ZNF14: variants seen among roughly 807,000 people sequenced by gnomAD.
The protein encoded by ZNF14 is zinc finger protein 14.
In ZNF14, 9 loss-of-function variants were observed where a neutral mutation model predicts 11.3. The observed-to-expected ratio is 0.80, with a 90% CI of 0.48 to 1.39. The LOEUF is 1.39. Among genes scored for constraint, ZNF14 ranks in the 40% most tolerant of loss-of-function variants. The probability of loss-of-function intolerance (pLI) is 0.00; values close to 1 mark genes in which losing one functional copy is unlikely to be tolerated. For missense variants in ZNF14, 711 were observed against 763.9 expected (o/e 0.93, Z 0.82); for synonymous variants, 239 against 245.7 (o/e 0.97, Z 0.25).
At chr19:19,714,252 C>T in intron 2 of ZNF14, 101 bp from the exon 3 acceptor site, 2 of 1,590,134 alleles carry the variant, frequency 1.3e-6, no homozygotes, top group Non-Finnish European at 1.7e-6. Flanking sequence ...GATTCAATCA[C>T]TGAAAGATTC....
rs1455103280 is a variant in ZNF14, at chr19:19,711,741, A to C, written c.1540T>G (p.Phe514Val). The C allele has an allele frequency of 6.2e-7, 1 of 1,614,068 alleles. No homozygotes were observed. The highest frequency in any genetic ancestry group is 1.7e-5 in the Admixed American group (1 of 60,008). ...ECKLCGKTFS[F>V]SSSLREHEKI... The stretch of plus-strand genomic sequence containing the variant: ...TCATGTTCTCGAAGGGAACTTGAAA[A>C]ACTGAAGGTTTTACCGCATAGTTTA... The change falls in exon 4 of 4, where the codon TTT becomes GTT. Residue 514 changes from phenylalanine (F) to valine (V), a missense_variant. Phe to Val is a conservative substitution (Grantham distance 50, BLOSUM62 -1). Coordinates refer to ENST00000344099, the MANE Select transcript of ZNF14 (RefSeq NM_021030.3).
rs2062422824 is a variant in ZNF14 at position 19,731,385 on chromosome 19, G to A, written c.3+1571C>T. On this transcript the variant is annotated intron_variant, in intron 1 of 3. Transcript: ENST00000344099. ...AGGTCAGGAGTTCAAGACCAGCCTG[G>A]CCAACATGGTGAAACCCCATCTCTG... Among the ~76,000 whole-genome samples, 5 of 151,880 alleles carry A rather than the reference G, an allele frequency of 3.3e-5. No individual in the cohort carries two copies. In the South Asian group the frequency reaches 1.0e-3, roughly 32 times the overall value.
At position 19,724,599 on chromosome 19, in the gene ZNF14, T is replaced by G. The variant is rs1450824038; in HGVS notation, c.3+8357A>C. Among the ~76,000 whole-genome samples the G allele has an allele frequency of 6.0e-5, 8 of 133,512 alleles. 2 individuals carry two copies. Among genetic ancestry groups the G allele is most frequent in the Non-Finnish European group, 1.2e-4 (7 of 60,190 alleles). 87.6% of individuals were successfully genotyped at this position (133,512 alleles called of 152,430 possible). A position where few individuals can be genotyped will look rare whatever the true frequency, so the allele number is the denominator to read the frequency against. Reference sequence around the variant, plus strand: ...GAGTTCTGTAGATGTCTATTAGGTCTGCTTGGTGCAGAGCTGAGTTCAATT... The same window carrying G: ...GAGTTCTGTAGATGTCTATTAGGTCGGCTTGGTGCAGAGCTGAGTTCAATT... On this transcript the variant is annotated intron_variant, in intron 1 of 3. Coordinates refer to ENST00000344099, the MANE Select transcript of ZNF14 (RefSeq NM_021030.3).
chr19:19,720,488 C>T lies in ZNF14; in HGVS notation c.4-6001G>A, dbSNP rs2062390006. Among the ~76,000 whole-genome samples, 1 of 152,008 alleles carries T rather than the reference C, an allele frequency of 6.6e-6. No individual in the cohort carries two copies. Among genetic ancestry groups the T allele is most frequent in the Admixed American group, 6.6e-5 (1 of 15,242 alleles). ...TCCGAGTAACTTAAATAACAGGCGC[C>T]TGCCACCATGCCTGGCTAATTTTTT... On this transcript the variant is annotated intron_variant, in intron 1 of 3. Coordinates refer to ENST00000344099, the MANE Select transcript of ZNF14 (RefSeq NM_021030.3). This position sits in a 1 kb window ranked among gnomAD's most constrained non-coding sequence, Gnocchi z 4.1.
At position 19,711,228 on chromosome 19, in the gene ZNF14, A is replaced by C; in HGVS notation, c.*124T>G. The stretch of plus-strand genomic sequence containing the variant: ...TGGGAATTCTTTCGTGCTCAAAAGA[A>C]ACTGGAACAATTAAGGGCTTTAGAA... On this transcript the variant is annotated 3_prime_UTR_variant, in exon 4 of 4. Transcript: ENST00000344099. The C allele has an allele frequency of 8.8e-7, 1 of 1,138,510 alleles. No homozygotes were observed. Among genetic ancestry groups the C allele is most frequent in the African/African-American group, 1.6e-5 (1 of 64,332 alleles). The allele number at this position is 1,138,510 out of a possible 1,614,324, so 70.5% of individuals were successfully genotyped here.
Position 19,727,814 on chromosome 19 carries a change from T to C in ZNF14, c.3+5142A>G, listed in dbSNP as rs186420153. The stretch of plus-strand genomic sequence containing the variant: ...ATAAATGCGACTCAACCAATGTATG[T>C]AGCTATAATCAAGCATTCAATAACA... On this transcript the variant is annotated intron_variant, in intron 1 of 3. Coordinates refer to ENST00000344099, the MANE Select transcript of ZNF14 (RefSeq NM_021030.3). 3.0e-5 allele frequency among the ~76,000 whole-genome samples: 4 copies of C among 133,614 alleles called. 1 individual carries two copies. Among genetic ancestry groups the C allele is most frequent in the African/African-American group, 5.5e-5 (2 of 36,198 alleles). 87.7% of individuals were successfully genotyped at this position (133,614 alleles called of 152,430 possible).
In ZNF14 at chr19:19,714,462, G is replaced by A. The variant is rs1383990718; in HGVS notation, c.29C>T (p.Ala10Val). 11 of 1,613,948 alleles carry A rather than the reference G, an allele frequency of 6.8e-6. No homozygotes were observed. Among genetic ancestry groups the A allele is most frequent in the South Asian group, 3.3e-5 (3 of 91,062 alleles). Reference protein sequence around the residue: MDSVSFEDVAVNFTLEEWAL... With the variant: MDSVSFEDVVVNFTLEEWAL... ...CCACTCCTCCAGGGTGAAGTTCACG[G>A]CCACATCCTCAAAGGAGACTGAGTC... Residue 10 changes from alanine to valine, a missense_variant, in exon 2 of 4, where the codon GCC (alanine) becomes GTC (valine). Transcript: ENST00000344099.
At position 19,713,015 on chromosome 19, in the gene ZNF14, T is replaced by C; in HGVS notation, c.266A>G (p.Asn89Ser). 6.2e-7 allele frequency: 1 copy of C among 1,614,118 alleles called. No individual in the cohort carries two copies. Among genetic ancestry groups the C allele is most frequent in the Non-Finnish European group, 8.5e-7 (1 of 1,179,972 alleles). The change falls in exon 4 of 4, where the codon AAT (asparagine) becomes AGT (serine). Residue 89 changes from asparagine to serine, a missense_variant. By Grantham distance (46) the Asn-to-Ser change is conservative. Transcript: ENST00000344099. ...KCGETTSQMPNVNINKETFTG... is the reference protein window; with the variant it reads ...KCGETTSQMPSVNINKETFTG... ...AAAAGTTTCCTTGTTGATATTAACA[T>C]TTGGCATCTGGCTAGTGGTTTCTCC...
chr19:19,720,594 C>T lies in ZNF14; in HGVS notation c.4-6107G>A, dbSNP rs150087997. On this transcript the variant is annotated intron_variant, in intron 1 of 3. Transcript: ENST00000344099. This position sits in a 1 kb window ranked among gnomAD's most constrained non-coding sequence, Gnocchi z 4.1. ...CTGACCTCAAGTGATCTGTCCGCCT[C>T]GGCCTCCCAAAGTGCTGGGATTACA... Among the ~76,000 whole-genome samples, 2,608 of 152,186 alleles carry T rather than the reference C, an allele frequency of 0.017. 82 individuals are homozygous for T. Among genetic ancestry groups the T allele is most frequent in the African/African-American group, 0.059 (2,467 of 41,514 alleles).
At position 19,720,015 on chromosome 19, in the gene ZNF14, A is replaced by G. The variant is rs1255722123; in HGVS notation, c.4-5528T>C. Among the ~76,000 whole-genome samples the G allele has an allele frequency of 1.3e-5, 2 of 152,212 alleles. No homozygotes were observed. Among genetic ancestry groups the G allele is most frequent in the Non-Finnish European group, 2.9e-5 (2 of 68,040 alleles). On this transcript the variant is annotated intron_variant, in intron 1 of 3. Coordinates refer to ENST00000344099, the MANE Select transcript of ZNF14 (RefSeq NM_021030.3). The surrounding 1 kb of genome is among the most constrained non-coding windows in gnomAD (Gnocchi z 4.1). ...GCATTATGTAATAACAAAGTGATCA[A>G]TTCACCAAGAAGACAAGGCAATCCT...
rs948410559 is a variant in ZNF14, at chr19:19,720,796, C to G, written c.4-6309G>C. ...ATGGAATTTCCACCTACCCTATAAT[C>G]CCACAGCAGCAAGATGTATATAGAA... On this transcript the variant is annotated intron_variant, in intron 1 of 3. Transcript: ENST00000344099. This position sits in a 1 kb window ranked among gnomAD's most constrained non-coding sequence, Gnocchi z 4.1. Among the ~76,000 whole-genome samples the G allele has an allele frequency of 6.6e-6, 1 of 152,188 alleles. No homozygotes were observed. Among genetic ancestry groups the G allele is most frequent in the African/African-American group, 2.4e-5 (1 of 41,450 alleles).
rs1250631099 is a variant in ZNF14, at chr19:19,720,423, C to G, written c.4-5936G>C. Among the ~76,000 whole-genome samples the G allele has an allele frequency of 6.6e-6, 1 of 151,882 alleles. No homozygotes were observed. Among genetic ancestry groups the G allele is most frequent in the Non-Finnish European group, 1.5e-5 (1 of 67,992 alleles). ...TGACACAACCTCGGGTCACTGCAAC[C>G]TCTGCTTCCTGGGTTCAAGTAATTC... On this transcript the variant is annotated intron_variant, in intron 1 of 3. Coordinates refer to ENST00000344099, the MANE Select transcript of ZNF14 (RefSeq NM_021030.3). This position sits in a 1 kb window ranked among gnomAD's most constrained non-coding sequence, Gnocchi z 4.1.
chr19:19,712,972 A>G lies in ZNF14; in HGVS notation c.309T>C (p.His103=), dbSNP rs776708937. 5.6e-6 allele frequency: 9 copies of G among 1,614,012 alleles called. No homozygotes were observed. The Admixed American group carries it at 1.0e-4, about 18-fold the overall frequency. ...NKETFTGAKP[H]ECSFCGRDFI... ...AGTCTCTTCCACAAAAGCTGCATTC[A>G]TGTGGTTTTGCTCCAGTAAAAGTTT... The change falls in exon 4 of 4, where the codon CAT becomes CAC. Residue 103 remains histidine (H), a synonymous_variant. Coordinates refer to ENST00000344099, the MANE Select transcript of ZNF14 (RefSeq NM_021030.3).
At chr19:19,732,801 G>A (rs1045826205) in intron 1 of ZNF14, among the ~76,000 whole-genome samples, 155 bp downstream of exon 1, 2 of 152,138 alleles carry the variant, frequency 1.3e-5, no homozygotes, top group Non-Finnish European at 2.9e-5. Context: ...CCGGCTGCGG[G>A]TCCAGCTCCC....
rs1217232330 is a variant in ZNF14, at chr19:19,712,071, T to G, written c.1210A>C (p.Ser404Arg). The G allele has an allele frequency of 8.1e-6, 13 of 1,613,620 alleles. No homozygotes were observed. The highest frequency in any genetic ancestry group is 1.1e-5 in the Non-Finnish European group (13 of 1,179,882). The change falls in exon 4 of 4, where the codon AGT (serine) becomes CGT (arginine). Residue 404 changes from serine to arginine, a missense_variant. Ser to Arg is a moderately radical substitution (Grantham distance 110). Coordinates refer to ENST00000344099, the MANE Select transcript of ZNF14 (RefSeq NM_021030.3). ...KQCHKTFSFSSSLREHETTHT... is the reference protein window; with the variant it reads ...KQCHKTFSFSRSLREHETTHT... ...GTTGTTTCGTGTTCTCGAAGGGAAC[T>G]TGAAAAACTGAAGGTTTTATGACAC...
intron 1 of ZNF14, among the ~76,000 whole-genome samples, chr19:19,715,932 C>T (rs1196017793): frequency 6.6e-6 from 1 of 152,182 alleles, no homozygotes; most frequent in Non-Finnish European, 1.5e-5. Context: ...ATATTTATCA[C>T]AGGCTCAGTT....
rs145782779 is a variant in ZNF14, at chr19:19,712,566, G to C, written c.715C>G (p.Gln239Glu). 1.4e-4 allele frequency: 230 copies of C among 1,612,920 alleles called. No individual in the cohort carries two copies. In the African/African-American group the frequency reaches 2.8e-3, roughly 20 times the overall value. Residue 239 changes from glutamine to glutamate, a missense_variant, in exon 4 of 4, where the codon CAA becomes GAA. Physicochemically the swap from Gln to Glu is conservative, Grantham distance 29 (BLOSUM62 2). Coordinates refer to ENST00000344099, the MANE Select transcript of ZNF14 (RefSeq NM_021030.3). ...CCAGTGTGAGTCCTTTTGTGTCTTT[G>C]AAAAGATTGGTAACATATAAAGGCT... ...GKAFICYQSF[Q>E]RHKRTHTGEK...
At chr19:19,716,754 T>C (rs772867781) in intron 1 of ZNF14, among the ~76,000 whole-genome samples, 6 of 152,266 alleles carry the variant, frequency 3.9e-5, no homozygotes, top group Non-Finnish European at 8.8e-5. Context: ...CATTAAAGAA[T>C]TGAGGGTCAT....
At chr19:19,718,911 C>T (rs568995073) in intron 1 of ZNF14, among the ~76,000 whole-genome samples, 23 of 152,164 alleles carry the variant, frequency 1.5e-4, no homozygotes, top group African/African-American at 4.6e-4. Flanking sequence ...ATTACAGGTA[C>T]GCACCACCAT....
Sources: gnomAD v4.1 joint callset for allele counts (sites outside exome capture counted in the v4.1 genomes callset) on GRCh38, gnomAD v4.1.1 for gene constraint, Gnocchi (gnomAD v3.1) non-coding constraint, MANE v1.5 for transcripts, NCBI Gene and HGNC (gene_info 2026-07-23, HGNC 2026-07-21) for gene names.